Variants in ANKRD17 observed in about 807,000 individuals in gnomAD.
The protein encoded by ANKRD17 is ankyrin repeat domain-containing protein 17.
In ANKRD17, 19 loss-of-function variants were observed where a neutral mutation model predicts 229.7. That is an observed-to-expected ratio of 0.08 (90% CI 0.06 to 0.12). The LOEUF is 0.12. Among genes scored for constraint, ANKRD17 ranks in the 10% least tolerant of loss-of-function variants. The pLI, the probability that ANKRD17 is intolerant of heterozygous loss-of-function variation, is 1.00. For synonymous variants in ANKRD17, 1,112 were observed against 1,146.1 expected (o/e 0.97, Z 0.60); for missense variants, 2,176 against 3,176.8 (o/e 0.68, Z 7.57).
intron 1 of ANKRD17, among the ~76,000 whole-genome samples, chr4:73,179,515 TATA>T (rs1213123380): frequency 4.0e-4 from 40 of 100,632 alleles, no homozygotes; most frequent in African/African-American, 9.4e-4. Context: ...TATATATATA[TATA>T]TTTTTTTTTT....
At chr4:73,104,636 C>T (rs1313849860) in intron 24 of ANKRD17, among the ~76,000 whole-genome samples, 1 of 151,458 alleles carries the variant, frequency 6.6e-6, no homozygotes, top group Admixed American at 6.6e-5. Context: ...GGGGGAGAAT[C>T]AAAACAGCAA....
chr4:73,188,698 G>A (rs1172673948), intron 1 of ANKRD17, among the ~76,000 whole-genome samples: 1 of 151,906 alleles, frequency 6.6e-6, no homozygotes, highest in Admixed American at 6.6e-5. Context: ...AAATCAAAAT[G>A]CATCAACATA....
intron 29 of ANKRD17, among the ~76,000 whole-genome samples, chr4:73,087,661 T>C (rs1234389831): frequency 6.6e-6 from 1 of 152,134 alleles, no homozygotes; most frequent in African/African-American, 2.4e-5. Flanking sequence ...AAAGAATATA[T>C]TTGGGAAAAT....
chr4:73,249,147 C>T (rs1744760154), intron 1 of ANKRD17, among the ~76,000 whole-genome samples: 1 of 152,306 alleles, frequency 6.6e-6, no homozygotes, highest in South Asian at 2.1e-4. Flanking sequence ...TCCATAGATA[C>T]TTCCAAAATA....
chr4:73,229,027 G>A (rs959890871), intron 1 of ANKRD17, among the ~76,000 whole-genome samples: 15 of 152,046 alleles, frequency 9.9e-5, no homozygotes, highest in Non-Finnish European at 1.5e-4. Flanking sequence ...GCAAACTATC[G>A]CAAGAACAAA....
chr4:73,136,052 G>T (rs1176556289), intron 15 of ANKRD17, among the ~76,000 whole-genome samples: 1 of 152,148 alleles, frequency 6.6e-6, no homozygotes, highest in Non-Finnish European at 1.5e-5. Flanking sequence ...ACCAAAATAT[G>T]CAACTTAAGA....
chr4:73,185,933 T>C (rs1308369058), intron 1 of ANKRD17, among the ~76,000 whole-genome samples: 1 of 152,008 alleles, frequency 6.6e-6, no homozygotes, highest in Non-Finnish European at 1.5e-5. Context: ...TTATGATCAT[T>C]TTATGACAGT....
intron 1 of ANKRD17, among the ~76,000 whole-genome samples, chr4:73,182,585 T>C (rs1293861280): frequency 6.6e-6 from 1 of 152,208 alleles, no homozygotes; most frequent in Non-Finnish European, 1.5e-5. Context: ...CCTGAACCCA[T>C]TGTTTAATTA....
chr4:73,080,038 G>T (rs373803015), intron 30 of ANKRD17, among the ~76,000 whole-genome samples: 26 of 152,188 alleles, frequency 1.7e-4, no homozygotes, highest in African/African-American at 6.3e-4. Context: ...CCCGGGAGGC[G>T]GAGGATGCAG....
intron 1 of ANKRD17, among the ~76,000 whole-genome samples, chr4:73,237,521 T>A (rs993867484): frequency 1.3e-5 from 2 of 152,148 alleles, no homozygotes; most frequent in Non-Finnish European, 2.9e-5. Flanking sequence ...GATCTTGGAC[T>A]GTGAGGTGGG....
At position 73,078,788 on chromosome 4, in the gene ANKRD17, C is replaced by T. The variant is rs1721262881; in HGVS notation, c.7262G>A (p.Arg2421Lys). 6.2e-7 allele frequency: 1 copy of T among 1,614,032 alleles called. No individual in the cohort carries two copies. The highest frequency in any genetic ancestry group is 1.1e-5 in the South Asian group (1 of 91,084). ...SEKPSNVSQDRKVPVPIGTER... is the reference protein window; with the variant it reads ...SEKPSNVSQDKKVPVPIGTER... ...AGTCCCAATAGGGACTGGAACTTTCCTGTCCTGAGACACATTGCTGGGCTT... is the reference window on the plus strand; with the variant it reads ...AGTCCCAATAGGGACTGGAACTTTCTTGTCCTGAGACACATTGCTGGGCTT... The change falls in exon 31 of 34, where the codon AGG becomes AAG. Residue 2421 changes from arginine to lysine, a missense_variant. Arg to Lys is a conservative substitution (Grantham distance 26, BLOSUM62 2). Coordinates refer to ENST00000358602, the MANE Select transcript of ANKRD17 (RefSeq NM_032217.5).
chr4:73,153,015 C>A (rs945260013), intron 6 of ANKRD17, among the ~76,000 whole-genome samples: 11 of 152,096 alleles, frequency 7.2e-5, no homozygotes, highest in Non-Finnish European at 1.6e-4. Context: ...CATCATACAA[C>A]CTTGGCTACT....
intron 26 of ANKRD17, 30 bp downstream of exon 26, chr4:73,098,043 T>C: frequency 6.4e-7 from 1 of 1,550,458 alleles, no homozygotes; most frequent in Non-Finnish European, 8.7e-7. Flanking sequence ...GATGACACTA[T>C]AAATATTGAA....
In ANKRD17 at chr4:73,078,803, T is replaced by C. The variant is rs914261571; in HGVS notation, c.7247A>G (p.Asn2416Ser). 11 of 1,613,978 alleles carry C rather than the reference T, an allele frequency of 6.8e-6. No homozygotes were observed. In the African/African-American group the frequency reaches 8.0e-5, roughly 12 times the overall value. ...SVPLGSEKPS[N>S]VSQDRKVPVP... ...TGGAACTTTCCTGTCCTGAGACACA[T>C]TGCTGGGCTTTTCTGACCCTAACGG... The change falls in exon 31 of 34, where the codon AAT becomes AGT. Residue 2416 changes from asparagine (N) to serine (S), a missense_variant. Asn to Ser is a conservative substitution (Grantham distance 46). Around this residue, in one of 18 missense-constraint regions of ANKRD17, gnomAD observed 87 missense variants for 116.0 expected, o/e 0.75. Coordinates refer to ENST00000358602, the MANE Select transcript of ANKRD17 (RefSeq NM_032217.5).
chr4:73,154,449 T>C (rs1731380315), intron 5 of ANKRD17, among the ~76,000 whole-genome samples: 1 of 152,154 alleles, frequency 6.6e-6, no homozygotes, highest in African/African-American at 2.4e-5. Flanking sequence ...AAAAGTTGTT[T>C]TAATGTTTAT....
At position 73,120,283 on chromosome 4, in the gene ANKRD17, G is replaced by C. The variant is rs769024468; in HGVS notation, c.3904C>G (p.Arg1302Gly). Reference protein sequence around the residue: ...AASGGYAEVGRVLLDKGADVN... With the variant: ...AASGGYAEVGGVLLDKGADVN... ...TCAGCACCTTTATCCAAAAGAACTC[G>C]GCCCACCTCCGCATATCCACCAGAG... is the stretch of plus-strand genomic sequence containing the variant. The change falls in exon 21 of 34, where the codon CGA becomes GGA. Residue 1302 changes from arginine to glycine, a missense_variant. Transcript: ENST00000358602. The C allele has an allele frequency of 3.1e-6, 5 of 1,614,004 alleles. No homozygotes were observed. In the South Asian group the frequency reaches 5.5e-5, roughly 18 times the overall value.
chr4:73,208,937 C>T (rs771636653), intron 1 of ANKRD17, among the ~76,000 whole-genome samples: 52 of 152,142 alleles, frequency 3.4e-4, no homozygotes, highest in African/African-American at 5.1e-4. Context: ...ATAGGCTGGG[C>T]GCGGTGGCTC....
rs544068517 is a variant in ANKRD17, at chr4:73,160,835, A to AT, written c.704+356dup. 5.4e-4 allele frequency among the ~76,000 whole-genome samples: 83 copies of AT among 152,344 alleles called. 1 individual carries two copies. The South Asian group carries it at 0.016, about 29-fold the overall frequency. On this transcript the variant is annotated intron_variant, in intron 3 of 33. Coordinates refer to ENST00000358602, the MANE Select transcript of ANKRD17 (RefSeq NM_032217.5). Reference sequence around the variant, plus strand: ...CTGTAAAATGGCCTAATTGTAAAACATTTACTTCTTTGTCACCAATACATT... The same window carrying AT: ...CTGTAAAATGGCCTAATTGTAAAACATTTTACTTCTTTGTCACCAATACATT...
chr4:73,218,101 G>A (rs552944195), intron 1 of ANKRD17, among the ~76,000 whole-genome samples: 1 of 152,208 alleles, frequency 6.6e-6, no homozygotes, highest in African/African-American at 2.4e-5. Context: ...GAGAACCAGT[G>A]GATGTTCTTG....
Sources: gnomAD v4.1 joint callset for allele counts (sites outside exome capture counted in the v4.1 genomes callset) on GRCh38, gnomAD v4.1.1 for gene constraint, gnomAD v4.1.1 regional missense constraint, MANE v1.5 for transcripts, NCBI Gene and HGNC (gene_info 2026-07-23, HGNC 2026-07-21) for gene names.